Variants in PIEZO1 observed in about 807,000 individuals in gnomAD.
PIEZO1 encodes the protein piezo type mechanosensitive ion channel component 1 (Er blood group), also known as piezo-type mechanosensitive ion channel component 1.
Under a neutral mutation model 297.2 loss-of-function variants are expected in PIEZO1, and 296 were observed. That is an observed-to-expected ratio of 1.00 (90% CI 0.91 to 1.10). PIEZO1 has a LOEUF of 1.10. Ranked by LOEUF, PIEZO1 falls within the 50% of genes least tolerant of loss-of-function variation. PIEZO1 has a pLI of 0.00. For missense variants in PIEZO1, 5,018 were observed against 3,455.5 expected, an observed-to-expected ratio of 1.45 and a Z score of -11.34; for synonymous variants, 2,427 against 1,507.5, an observed-to-expected ratio of 1.61 and a Z score of -14.13.
At position 88,716,576 on chromosome 16, in the gene PIEZO1, G is replaced by A; in HGVS notation, c.6909C>T (p.Phe2303=). 2 of 1,544,626 alleles carry A rather than the reference G, an allele frequency of 1.3e-6. No individual in the cohort carries two copies. Among genetic ancestry groups the A allele is most frequent in the Non-Finnish European group, 8.7e-7 (1 of 1,143,154 alleles). The change falls in exon 47 of 51, where the codon TTC becomes TTT. Residue 2303 remains phenylalanine, a synonymous_variant. Transcript: ENST00000301015. ...GGACGAACCTCTGGAAGTTCCAGGT[G>A]AAGCGCAGGGTGATGTCGGCCGTGC... ...YNGTADITLR[F]TWNFQRDLAK...
At chr16:88,720,352 G>C (rs560586886) in intron 41 of PIEZO1, 33 bp downstream of exon 41, 1 of 1,550,146 alleles carries the variant, frequency 6.5e-7, no homozygotes. Context: ...TGAGCTCTGC[G>C]TACACTGGGT....
rs955405632 is a variant in PIEZO1, at chr16:88,732,434, C to G, written c.2892G>C (p.Gln964His). The G allele has an allele frequency of 1.3e-6, 2 of 1,549,642 alleles. No individual in the cohort carries two copies. Among genetic ancestry groups the G allele is most frequent in the Non-Finnish European group, 1.7e-6 (2 of 1,146,542 alleles). ...GGCGGGTGCCGCTGGCAAACACGGC[C>G]TGGGCAGGCAGCGGGGCCAGCTGGT... is the stretch of plus-strand genomic sequence containing the variant. ...RQHQLAPLPA[Q>H]AVFASGTRQQ... is the part of the protein sequence containing the mutation. Residue 964 changes from glutamine to histidine, a missense_variant, in exon 21 of 51, where the codon CAG (glutamine) becomes CAC (histidine). Physicochemically the swap from Gln to His is conservative, Grantham distance 24. Coordinates refer to ENST00000301015, the MANE Select transcript of PIEZO1 (RefSeq NM_001142864.4).
rs1195744693 is a variant in PIEZO1 at position 88,716,541 on chromosome 16, C to T, written c.6926+18G>A. ...GTGGGTCCACCCACCCAGGCACTGC[C>T]CCAAGTCCAGGACGAACCTCTGGAA... is the stretch of plus-strand genomic sequence containing the variant. On this transcript the variant is annotated intron_variant, in intron 47 of 50. Coordinates refer to ENST00000301015, the MANE Select transcript of PIEZO1 (RefSeq NM_001142864.4). 1.3e-6 allele frequency: 2 copies of T among 1,538,494 alleles called. No homozygotes were observed. The highest frequency in any genetic ancestry group is 1.8e-6 in the Non-Finnish European group (2 of 1,139,180).
rs924618177 is a variant in PIEZO1, at chr16:88,736,265, T to C, written c.1440A>G (p.Leu480=). 33 of 1,549,948 alleles carry C rather than the reference T, an allele frequency of 2.1e-5. No homozygotes were observed. The highest frequency in any genetic ancestry group is 3.9e-5 in the Admixed American group (2 of 50,984). ...GCAGGTCCATGGCCCACACGTAGCG[T>C]AGGCAGCACAGCGTCATCCCATACA... ...ILLYGMTLCC[L]RYVWAMDLRP... The change falls in exon 12 of 51, where the codon CTA becomes CTG. Residue 480 remains leucine, a synonymous_variant. Coordinates refer to ENST00000301015, the MANE Select transcript of PIEZO1 (RefSeq NM_001142864.4).
intron 1 of PIEZO1, among the ~76,000 whole-genome samples, chr16:88,776,099 G>A (rs182253473): frequency 1.3e-3 from 198 of 151,844 alleles, no homozygotes; most frequent in African/African-American, 4.6e-3. Context: ...GGTTAAACAC[G>A]TGCCACCCAG....
chr16:88,737,522 C>CT, intron 10 of PIEZO1, 37 bp downstream of exon 10: 1 of 1,436,880 alleles, frequency 7.0e-7, no homozygotes, highest in Non-Finnish European at 9.4e-7. Flanking sequence ...GCCCCGCCCC[C>CT]CGCACCCAGC....
chr16:88,751,092 G>C (rs1380950511), intron 1 of PIEZO1, among the ~76,000 whole-genome samples: 1 of 152,098 alleles, frequency 6.6e-6, no homozygotes, highest in Non-Finnish European at 1.5e-5. Flanking sequence ...AAGGAGCCCC[G>C]GGAAGTCTTC....
chr16:88,783,010 G>C (rs1375611589), intron 1 of PIEZO1, among the ~76,000 whole-genome samples: 1 of 152,206 alleles, frequency 6.6e-6, no homozygotes, highest in Non-Finnish European at 1.5e-5. Flanking sequence ...GACTTTATTT[G>C]GGACCAGTTT....
intron 1 of PIEZO1, among the ~76,000 whole-genome samples, chr16:88,782,871 C>T (rs1279370044): frequency 6.6e-6 from 1 of 152,102 alleles, no homozygotes; most frequent in African/African-American, 2.4e-5. Context: ...GGTTCTTGGC[C>T]GGCTCCACTT....
At position 88,742,110 on chromosome 16, in the gene PIEZO1, G is replaced by C. The variant is rs1363460794; in HGVS notation, c.284-15C>G. ...CCAGCGGCTGCCTGCAGAGAAAGACGGGGGAACCCAGGTCAGGCTCTGCCC... is the reference window on the plus strand; with the variant it reads ...CCAGCGGCTGCCTGCAGAGAAAGACCGGGGAACCCAGGTCAGGCTCTGCCC... On this transcript the variant is annotated splice_polypyrimidine_tract_variant and intron_variant, in intron 3 of 50. Coordinates refer to ENST00000301015, the MANE Select transcript of PIEZO1 (RefSeq NM_001142864.4). 4.6e-6 allele frequency: 7 copies of C among 1,535,612 alleles called. No individual in the cohort carries two copies. Among genetic ancestry groups the C allele is most frequent in the Admixed American group, 2.0e-5 (1 of 50,956 alleles).
intron 1 of PIEZO1, among the ~76,000 whole-genome samples, chr16:88,784,048 C>A (rs1239020472): frequency 6.6e-6 from 1 of 152,226 alleles, no homozygotes; most frequent in African/African-American, 2.4e-5. Flanking sequence ...GGGCGCGGAC[C>A]CTGGGTCCCG....
intron 1 of PIEZO1, among the ~76,000 whole-genome samples, chr16:88,758,820 G>T (rs955300132): frequency 6.6e-6 from 1 of 152,210 alleles, no homozygotes; most frequent in Non-Finnish European, 1.5e-5. Flanking sequence ...TTGTCGCAGA[G>T]ACAACAGTGC....
At chr16:88,760,497 G>C (rs75475847) in intron 1 of PIEZO1, among the ~76,000 whole-genome samples, 5,961 of 152,358 alleles carry the variant, frequency 0.039, 283 homozygotes, top group African/African-American at 0.11. Context: ...GGAGAGCTTT[G>C]TCCAAAGGCA....
chr16:88,734,024 C>G lies in PIEZO1; in HGVS notation c.2211G>C (p.Leu737=). 2 of 1,544,334 alleles carry G rather than the reference C, an allele frequency of 1.3e-6. No individual in the cohort carries two copies. The highest frequency in any genetic ancestry group is 1.7e-6 in the Non-Finnish European group (2 of 1,143,278). ...RQDAVSGTPL[L]REEQQEHQQQ... is the part of the protein sequence containing the mutation. ...GCTGATGCTCCTGCTGCTCCTCCCG[C>G]AGCAGTGGGGTCCCACTCACTGCAT... Residue 737 remains leucine (L), a synonymous_variant, in exon 17 of 51, where the codon CTG becomes CTC. Transcript: ENST00000301015.
chr16:88,717,451 A>G (rs1242980942), intron 44 of PIEZO1: 5 of 627,044 alleles, frequency 8.0e-6, no homozygotes, highest in African/African-American at 1.8e-5. Flanking sequence ...GTGGGAACGG[A>G]CAACCTTTTT....
At chr16:88,723,595 G>C (rs1904300803) in intron 31 of PIEZO1, among the ~76,000 whole-genome samples, 3 of 152,256 alleles carry the variant, frequency 2.0e-5, no homozygotes, top group Admixed American at 1.3e-4. Flanking sequence ...CAGCACAAAG[G>C]TGTTGGGCCG....
Position 88,722,618 on chromosome 16 carries a change from G to A in PIEZO1, c.4740C>T (p.Pro1580=), listed in dbSNP as rs2142769214. The change falls in exon 35 of 51, where the codon CCC becomes CCT. Residue 1580 remains proline, a synonymous_variant. Coordinates refer to ENST00000301015, the MANE Select transcript of PIEZO1 (RefSeq NM_001142864.4). ...TGCTTGGGGCATTGGGGGCCTCGGT[G>A]GGGCCTGGCAGCGTGGCCTCGGCCT... ...TSQAEATLPG[P]TEAPNAPSTV... is the part of the protein sequence containing the mutation. 4 of 1,538,184 alleles carry A rather than the reference G, an allele frequency of 2.6e-6. No individual in the cohort carries two copies. Among genetic ancestry groups the A allele is most frequent in the South Asian group, 1.2e-5 (1 of 83,980 alleles).
rs761467548 is a variant in PIEZO1 at position 88,784,999 on chromosome 16, G to C, written c.-35C>G. 1 of 1,208,942 alleles carries C rather than the reference G, an allele frequency of 8.3e-7. No homozygotes were observed. The highest frequency in any genetic ancestry group is 1.6e-5 in the African/African-American group (1 of 63,096). 74.9% of individuals were successfully genotyped at this position (1,208,942 alleles called of 1,614,324 possible). A position where few individuals can be genotyped will look rare whatever the true frequency, so the allele number is the denominator to read the frequency against. ...GCCCAGGGCCCGGCCCAGACCGAGC[G>C]GACGCCGCGGCGCTATGGGGCGGTG... On this transcript the variant is annotated 5_prime_UTR_variant, in exon 1 of 51. Transcript: ENST00000301015.
At chr16:88,776,378 GA>G (rs1469247298) in intron 1 of PIEZO1, among the ~76,000 whole-genome samples, 3 of 152,108 alleles carry the variant, frequency 2.0e-5, no homozygotes, top group African/African-American at 4.8e-5. Context: ...AGCTTGCAGT[GA>G]GCCCAGACTG....
Sources: gnomAD v4.1 joint callset for allele counts (sites outside exome capture counted in the v4.1 genomes callset) on GRCh38, gnomAD v4.1.1 for gene constraint, MANE v1.5 for transcripts, NCBI Gene and HGNC (gene_info 2026-07-23, HGNC 2026-07-21) for gene names.